Variants in CTU2 observed in about 807,000 individuals in gnomAD.
CTU2 encodes cytoplasmic tRNA 2-thiolation protein 2.
In CTU2, 80 loss-of-function variants were observed where a neutral mutation model predicts 64.1. The ratio of observed to expected loss-of-function variants is 1.25; its 90% CI spans 1.04 to 1.50. The LOEUF (loss-of-function observed/expected upper bound fraction) is 1.50. Among genes scored for constraint, CTU2 ranks in the 40% most tolerant of loss-of-function variants. CTU2 has a pLI of 0.00. For synonymous variants in CTU2, 482 were observed against 285.3 expected, an observed-to-expected ratio of 1.69 and a Z score of -6.95; for missense variants, 1,110 against 690.2, an observed-to-expected ratio of 1.61 and a Z score of -6.81.
chr16:88,711,770 CCCTCCCTCTGGTGCCGGT>C lies in CTU2; in HGVS notation c.343+88_343+105del, dbSNP rs536070665. 2.2e-4 allele frequency: 300 copies of C among 1,389,356 alleles called. No homozygotes were observed. The African/African-American group carries it at 3.2e-3, about 15-fold the overall frequency. 86.1% of individuals were successfully genotyped at this position (1,389,356 alleles called of 1,614,324 possible). A position where few individuals can be genotyped will look rare whatever the true frequency, so the allele number is the denominator to read the frequency against. ...CTGCGGATCCTCCCTCTGGTGTGGA[CCCTCCCTCTGGTGCCGGT>C]CCTCCCTCTGGTAGGATGTGTTGAG... On this transcript the variant is annotated intron_variant, in intron 5 of 14. Coordinates refer to ENST00000453996, the MANE Select transcript of CTU2 (RefSeq NM_001012759.3).
In CTU2 at chr16:88,711,588, C is replaced by T. The variant is rs144273690; in HGVS notation, c.283-47C>T. ...GAATGTTCTGAGCTGGAAAAGTGTC[C>T]TGTGGCTTATGGCTGGGGGCTGAGT... On this transcript the variant is annotated intron_variant, in intron 4 of 14. Transcript: ENST00000453996. 1.2e-5 allele frequency: 19 copies of T among 1,541,292 alleles called. No homozygotes were observed. The Admixed American group carries it at 2.2e-4, about 18-fold the overall frequency.
rs755320510 is a variant in CTU2, at chr16:88,714,594, C to T, written c.1209C>T (p.Ala403=). The T allele has an allele frequency of 3.1e-6, 5 of 1,612,664 alleles. No individual in the cohort carries two copies. Among genetic ancestry groups the T allele is most frequent in the Non-Finnish European group, 1.7e-6 (2 of 1,179,906 alleles). ...CCCCCTCTCTGCTTGCAGACAGTGC[C>T]ACGGCTTTTGGGGCTCAGACCTCCT... ...CALDVDAADS[A]TAFGAQTSSR... is the part of the protein sequence containing the mutation. Residue 403 remains alanine (A), a synonymous_variant, in exon 12 of 15, where the codon GCC becomes GCT. Transcript: ENST00000453996.
rs142100748 is a variant in CTU2 at position 88,713,346 on chromosome 16, G to C, written c.772G>C (p.Gly258Arg). 32 of 1,596,506 alleles carry C rather than the reference G, an allele frequency of 2.0e-5. No individual in the cohort carries two copies. The highest frequency in any genetic ancestry group is 1.2e-4 in the African/African-American group (9 of 72,754). The change falls in exon 8 of 15, where the codon GGC (glycine) becomes CGC (arginine). Residue 258 changes from glycine to arginine, a missense_variant. By Grantham distance (125) the Gly-to-Arg change is moderately radical. Transcript: ENST00000453996. ...GATCCTCCACATGGCCCGAGCCCAC[G>C]GCTACTCCAAGGTCATGACTGGGGA... ...HLILHMARAHGYSKVMTGDSC... is the reference protein window; with the variant it reads ...HLILHMARAHRYSKVMTGDSC...
rs191989745 is a variant in CTU2 at position 88,714,923 on chromosome 16, C to A, written c.1416C>A (p.Asp472Glu). Residue 472 changes from aspartate to glutamate, a missense_variant, in exon 13 of 15, where the codon GAC becomes GAA. Physicochemically the swap from Asp to Glu is conservative, Grantham distance 45. Transcript: ENST00000453996. Reference sequence around the variant, plus strand: ...ACAGCTGCCGCGTGAACATGAAGGACTTGGTGAGTACGTGCCCACCTGTCC... The same window carrying A: ...ACAGCTGCCGCGTGAACATGAAGGAATTGGTGAGTACGTGCCCACCTGTCC... ...LCYSCRVNMK[D>E]LPSLDPLPPY... The A allele has an allele frequency of 6.2e-7, 1 of 1,612,662 alleles. No homozygotes were observed. The highest frequency in any genetic ancestry group is 8.5e-7 in the Non-Finnish European group (1 of 1,179,886).
chr16:88,713,080 TGCCCG>T (rs1911486110), intron 7 of CTU2, among the ~76,000 whole-genome samples, 175 bp downstream of exon 7: 1 of 8,660 alleles, frequency 1.2e-4, no homozygotes, highest in Non-Finnish European at 2.3e-4. Context: ...CCCCCACTCA[TGCCCG>T]AGAGCCCCCT....
chr16:88,715,314 G>A lies in CTU2; in HGVS notation c.*63G>A, dbSNP rs1911894765. The A allele has an allele frequency of 1.0e-5, 16 of 1,546,952 alleles. No homozygotes were observed. The highest frequency in any genetic ancestry group is 1.4e-5 in the African/African-American group (1 of 73,708). On this transcript the variant is annotated 3_prime_UTR_variant, in exon 15 of 15. Coordinates refer to ENST00000453996, the MANE Select transcript of CTU2 (RefSeq NM_001012759.3). ...CACCTGGTACACCACACTGGAGCCGGAAGGCAAGGACGGGGGACTGGCCTC... is the reference window on the plus strand; with the variant it reads ...CACCTGGTACACCACACTGGAGCCGAAAGGCAAGGACGGGGGACTGGCCTC...
In CTU2 at chr16:88,714,459, A is replaced by T; in HGVS notation, c.1174A>T (p.Met392Leu). 2 of 1,612,430 alleles carry T rather than the reference A, an allele frequency of 1.2e-6. No homozygotes were observed. The highest frequency in any genetic ancestry group is 1.7e-6 in the Non-Finnish European group (2 of 1,179,812). The stretch of plus-strand genomic sequence containing the variant: ...CTCCGGCCCCCGCTGCCTCCTCTGC[A>T]TGTGTGCCCTGGACGTCGACGCCGC... ...GDSGPRCLLCMCALDVDAADS... is the reference protein window; with the variant it reads ...GDSGPRCLLCLCALDVDAADS... The change falls in exon 11 of 15, where the codon ATG becomes TTG. Residue 392 changes from methionine to leucine, a missense_variant. Met to Leu is a conservative substitution (Grantham distance 15). Coordinates refer to ENST00000453996, the MANE Select transcript of CTU2 (RefSeq NM_001012759.3).
chr16:88,711,629 C>A lies in CTU2; in HGVS notation c.283-6C>A. The stretch of plus-strand genomic sequence containing the variant: ...GGGGCTGAGTCCCTGCTGCTTCTCC[C>A]TCTAGGGCCTGAGCCAAGATTCTGC... On this transcript the variant is annotated splice_region_variant and splice_polypyrimidine_tract_variant and intron_variant, in intron 4 of 14. Coordinates refer to ENST00000453996, the MANE Select transcript of CTU2 (RefSeq NM_001012759.3). 27 of 1,602,382 alleles carry A rather than the reference C, an allele frequency of 1.7e-5. No homozygotes were observed. Among genetic ancestry groups the A allele is most frequent in the Non-Finnish European group, 2.3e-5 (27 of 1,172,490 alleles).
chr16:88,712,659 C>T lies in CTU2; in HGVS notation c.491C>T (p.Ala164Val), dbSNP rs1597429534. Residue 164 changes from alanine to valine, a missense_variant, in exon 7 of 15, where the codon GCC becomes GTC. By Grantham distance (64) the Ala-to-Val change is moderately conservative. Transcript: ENST00000453996. ...CCACCGTCGGTGCTTTGGTGCTCTGCCCAGGAGCTGGTGGGATCCGAGGGG... is the reference window on the plus strand; with the variant it reads ...CCACCGTCGGTGCTTTGGTGCTCTGTCCAGGAGCTGGTGGGATCCGAGGGG... The part of the protein sequence containing the change: ...SLPPSVLWCS[A>V]QELVGSEGAY... The T allele has an allele frequency of 6.2e-7, 1 of 1,610,556 alleles. No homozygotes were observed. Among genetic ancestry groups the T allele is most frequent in the Non-Finnish European group, 8.5e-7 (1 of 1,179,572 alleles).
Position 88,714,368 on chromosome 16 carries a change from A to C in CTU2, c.1098-15A>C. The C allele has an allele frequency of 1.2e-6, 2 of 1,612,072 alleles. No homozygotes were observed. Among genetic ancestry groups the C allele is most frequent in the Non-Finnish European group, 8.5e-7 (1 of 1,179,652 alleles). On this transcript the variant is annotated splice_polypyrimidine_tract_variant and intron_variant, in intron 10 of 14. Coordinates refer to ENST00000453996, the MANE Select transcript of CTU2 (RefSeq NM_001012759.3). ...CCCGTGTGATTCACCTGCTCCTCCCACAATCCGGCCACAGGACAAGTGAGA... is the reference window on the plus strand; with the variant it reads ...CCCGTGTGATTCACCTGCTCCTCCCCCAATCCGGCCACAGGACAAGTGAGA...
chr16:88,710,037 G>T (rs1458951433), intron 3 of CTU2, 21 bp downstream of exon 3: 17 of 1,612,708 alleles, frequency 1.1e-5, no homozygotes, highest in Non-Finnish European at 1.4e-5. Context: ...GGTCCTGGGG[G>T]TCTGACTGAG....
At chr16:88,708,665 G>A (rs767491186) in intron 2 of CTU2, among the ~76,000 whole-genome samples, 1 of 152,122 alleles carries the variant, frequency 6.6e-6, no homozygotes, top group African/African-American at 2.4e-5. Context: ...ACCACAGGGG[G>A]GTCATTCGGC....
chr16:88,709,467 C>G (rs533592941), intron 2 of CTU2: 1 of 158,064 alleles, frequency 6.3e-6, no homozygotes, highest in African/African-American at 2.4e-5. Flanking sequence ...CCGCACTTCA[C>G]CCCAAAGAGG....
chr16:88,712,695 C>T lies in CTU2; in HGVS notation c.527C>T (p.Ala176Val), dbSNP rs746841810. The change falls in exon 7 of 15, where the codon GCG (alanine) becomes GTG (valine). Residue 176 changes from alanine (A) to valine (V), a missense_variant. Ala to Val is a moderately conservative substitution (Grantham distance 64). Transcript: ENST00000453996. The part of the protein sequence containing the change: ...ELVGSEGAYK[A>V]AVDSFLQQQH... ...GTGGGATCCGAGGGGGCCTACAAGG[C>T]GGCCGTGGACAGCTTCCTCCAGCAG... 4.8e-5 allele frequency: 78 copies of T among 1,610,246 alleles called. 1 individual carries two copies. In the Admixed American group the frequency reaches 5.8e-4, roughly 12 times the overall value.
chr16:88,711,977 G>A, intron 5 of CTU2: 1 of 606,942 alleles, frequency 1.6e-6, no homozygotes, highest in Non-Finnish European at 2.9e-6. Context: ...CCCCATCACG[G>A]GGTCTGGGGA....
intron 2 of CTU2, among the ~76,000 whole-genome samples, chr16:88,708,134 C>T (rs1370289491): frequency 2.0e-5 from 3 of 152,132 alleles, no homozygotes; most frequent in African/African-American, 7.2e-5. Context: ...CTTCTTTAAC[C>T]ACCCAGGAGC....
At position 88,715,253 on chromosome 16, in the gene CTU2, C is replaced by T. The variant is rs749866475; in HGVS notation, c.*2C>T. Reference sequence around the variant, plus strand: ...GACGACGAGGCGGGCCAGAGCTGAGCGTGAGGACGTGCTTGCCGGGACAGC... The same window carrying T: ...GACGACGAGGCGGGCCAGAGCTGAGTGTGAGGACGTGCTTGCCGGGACAGC... On this transcript the variant is annotated 3_prime_UTR_variant, in exon 15 of 15. Coordinates refer to ENST00000453996, the MANE Select transcript of CTU2 (RefSeq NM_001012759.3). 18 of 1,610,754 alleles carry T rather than the reference C, an allele frequency of 1.1e-5. No individual in the cohort carries two copies. The highest frequency in any genetic ancestry group is 3.3e-5 in the Admixed American group (2 of 59,976).
intron 5 of CTU2, chr16:88,711,956 G>A (rs1239400645): frequency 1.3e-5 from 8 of 603,682 alleles, no homozygotes; most frequent in Admixed American, 2.9e-5. Context: ...CAGGAGTGGC[G>A]GCTGCCCAGC....
Position 88,714,651 on chromosome 16 carries a change from C to CCTGA in CTU2, c.1271_1274dup (p.Glu425AspfsTer2). The stretch of plus-strand genomic sequence containing the variant: ...TCTCCCAGATGCAGTCACCCATCCC[C>CCTGA]CTGACTGAGACCCGGACACCCCCGG... On this transcript the variant is annotated frameshift_variant, in exon 12 of 15. Transcript: ENST00000453996. LOFTEE classifies it high-confidence loss of function. 1 of 1,612,588 alleles carries CCTGA rather than the reference C, an allele frequency of 6.2e-7. No individual in the cohort carries two copies. Among genetic ancestry groups the CCTGA allele is most frequent in the Non-Finnish European group, 8.5e-7 (1 of 1,179,864 alleles).
Sources: gnomAD v4.1 joint callset for allele counts (sites outside exome capture counted in the v4.1 genomes callset) on GRCh38, gnomAD v4.1.1 for gene constraint, MANE v1.5 for transcripts, NCBI Gene and HGNC (gene_info 2026-07-23, HGNC 2026-07-21) for gene names.